The following NPFFR2 variants were observed in gnomAD, a reference collection of about 807,000 sequenced individuals.
NPFFR2 encodes neuropeptide FF receptor 2, also known as G-protein coupled receptor 74.
Under a neutral mutation model 13.1 loss-of-function variants are expected in NPFFR2, and 15 were observed. The observed-to-expected ratio is 1.15, with a 90% CI of 0.77 to 1.76. The LOEUF (loss-of-function observed/expected upper bound fraction) is 1.76, where lower values mean the gene tolerates loss of function less well. Ranked by LOEUF, NPFFR2 falls within the 40% of genes most tolerant of loss-of-function variation. The probability of loss-of-function intolerance (pLI) is 0.00; values close to 1 mark genes in which losing one functional copy is unlikely to be tolerated. For synonymous variants in NPFFR2, 190 were observed against 175.7 expected (o/e 1.08, Z -0.65); for missense variants, 572 against 503.5 (o/e 1.14, Z -1.30).
At chr4:72,042,715 T>G (rs1433101891) in intron 1 of NPFFR2, among the ~76,000 whole-genome samples, 1 of 152,120 alleles carries the variant, frequency 6.6e-6, no homozygotes, top group African/African-American at 2.4e-5. Context: ...ACACTCAACT[T>G]GAGAGAGATG....
At chr4:72,047,417 G>T (rs917876197) in intron 1 of NPFFR2, among the ~76,000 whole-genome samples, 18 of 152,060 alleles carry the variant, frequency 1.2e-4, no homozygotes, top group Admixed American at 3.9e-4. Flanking sequence ...ACTGCCCAGG[G>T]TTAACTTGGG....
intron 1 of NPFFR2, 143 bp downstream of exon 1, chr4:72,032,343 G>A: frequency 1.1e-6 from 1 of 929,766 alleles, no homozygotes; most frequent in Non-Finnish European, 1.6e-6. Context: ...AATTACACAG[G>A]CACCCGCTTG....
intron 1 of NPFFR2, among the ~76,000 whole-genome samples, chr4:72,127,307 A>C (rs1722081010): frequency 7.8e-6 from 1 of 128,744 alleles, no homozygotes; most frequent in African/African-American, 3.4e-5. Context: ...CCATCTCAAA[A>C]AAAAAAAAAA....
At chr4:72,040,927 A>AATATATATATATATATAT in intron 1 of NPFFR2, among the ~76,000 whole-genome samples, 1 of 146,804 alleles carries the variant, frequency 6.8e-6, no homozygotes, top group South Asian at 2.2e-4. Context: ...ACTGCTGTAA[A>AATATATATATATATATAT]ATATATATAT....
chr4:72,041,443 G>A (rs1042268836), intron 1 of NPFFR2, among the ~76,000 whole-genome samples: 2 of 152,162 alleles, frequency 1.3e-5, no homozygotes, highest in East Asian at 3.8e-4. Context: ...ATTGTGAATA[G>A]TGCTGCAATG....
intron 1 of NPFFR2, among the ~76,000 whole-genome samples, chr4:72,086,214 T>C (rs753765208): frequency 2.6e-5 from 4 of 152,094 alleles, no homozygotes; most frequent in Non-Finnish European, 5.9e-5. Context: ...TGAAAATAAA[T>C]TTAAATAAAT....
At chr4:72,051,526 C>A (rs1475628120) in intron 1 of NPFFR2, among the ~76,000 whole-genome samples, 1 of 150,588 alleles carries the variant, frequency 6.6e-6, no homozygotes, top group East Asian at 2.0e-4. Context: ...GCACTAAATG[C>A]CCACAAGAGA....
rs147765849 is a variant in NPFFR2, at chr4:72,095,237, C to T, written c.-7-33348C>T. ...TTGATGGACATAATTACAGATATGT[C>T]TGCTGGTGTGCTGGAACTGGCTTGT... On this transcript the variant is annotated intron_variant, in intron 1 of 3. Coordinates refer to ENST00000308744, the MANE Select transcript of NPFFR2 (RefSeq NM_004885.3). Among the ~76,000 whole-genome samples the T allele has an allele frequency of 9.6e-3, 1,457 of 152,260 alleles. 30 individuals are homozygous for T. Among genetic ancestry groups the T allele is most frequent in the African/African-American group, 0.034 (1,397 of 41,550 alleles).
intron 1 of NPFFR2, among the ~76,000 whole-genome samples, chr4:72,114,353 T>G (rs1721650474): frequency 6.6e-6 from 1 of 152,038 alleles, no homozygotes. Flanking sequence ...ATTAAAAATG[T>G]GTTATTTGAA....
chr4:72,071,481 A>G (rs567130203), intron 1 of NPFFR2, among the ~76,000 whole-genome samples: 50 of 152,294 alleles, frequency 3.3e-4, no homozygotes, highest in Non-Finnish European at 5.0e-4. Flanking sequence ...CTAGACAATA[A>G]TTGCACTGGC....
intron 1 of NPFFR2, among the ~76,000 whole-genome samples, chr4:72,060,225 T>C (rs947971123): frequency 6.6e-6 from 1 of 152,104 alleles, no homozygotes; most frequent in Non-Finnish European, 1.5e-5. Context: ...TGTAATAATC[T>C]CTGTGTGTCA....
At chr4:72,105,849 T>C (rs1043037484) in intron 1 of NPFFR2, among the ~76,000 whole-genome samples, 5 of 152,070 alleles carry the variant, frequency 3.3e-5, no homozygotes. Context: ...CTAGATACTC[T>C]TGCGTTTGGG....
intron 3 of NPFFR2, among the ~76,000 whole-genome samples, chr4:72,144,897 T>G (rs1034700357): frequency 8.5e-5 from 13 of 152,192 alleles, no homozygotes; most frequent in Non-Finnish European, 1.6e-4. Context: ...CTTGGAATAC[T>G]GAGATTGTTT....
In NPFFR2 at chr4:72,032,037, G is replaced by A. The variant is rs748302459; in HGVS notation, c.-171G>A. ...GCAGCGCGGCGGGCCAGCCTGGAGC[G>A]GAAGCCTGGAGTGGAGCAGGCAGTC... On this transcript the variant is annotated 5_prime_UTR_variant, in exon 1 of 4. Transcript: ENST00000308744. The A allele has an allele frequency of 6.2e-7, 1 of 1,614,000 alleles. No homozygotes were observed. The highest frequency in any genetic ancestry group is 1.1e-5 in the South Asian group (1 of 91,060).
intron 1 of NPFFR2, among the ~76,000 whole-genome samples, chr4:72,043,276 C>T (rs1017736389): frequency 9.5e-4 from 4 of 4,206 alleles, no homozygotes; most frequent in African/African-American, 1.5e-3. Context: ...TGTGGAGAAC[C>T]TGCTAGGGTA....
At chr4:72,097,045 C>A (rs1342858551) in intron 1 of NPFFR2, among the ~76,000 whole-genome samples, 1 of 151,612 alleles carries the variant, frequency 6.6e-6, no homozygotes, top group East Asian at 1.9e-4. Flanking sequence ...ACTAGATGGT[C>A]CTACATTTTA....
At position 72,147,197 on chromosome 4, in the gene NPFFR2, G is replaced by A. The variant is rs1722809570; in HGVS notation, c.648G>A (p.Arg216=). The change falls in exon 4 of 4, where the codon AGG becomes AGA. Residue 216 remains arginine (R), a synonymous_variant. Transcript: ENST00000308744. The part of the protein sequence containing the change: ...CREDWPNQEM[R]KIYTTVLFAN... The stretch of plus-strand genomic sequence containing the variant: ...AAGACTGGCCAAATCAGGAAATGAG[G>A]AAGATCTACACCACTGTGCTGTTTG... 1 of 1,555,502 alleles carries A rather than the reference G, an allele frequency of 6.4e-7. No homozygotes were observed. The highest frequency in any genetic ancestry group is 1.6e-5 in the African/African-American group (1 of 61,062).
At chr4:72,120,878 C>G (rs955548250) in intron 1 of NPFFR2, among the ~76,000 whole-genome samples, 2 of 151,996 alleles carry the variant, frequency 1.3e-5, no homozygotes, top group Admixed American at 1.3e-4. Context: ...AGCAAAGGAA[C>G]AAAACTGGAT....
At chr4:72,143,329 C>T (rs932998302) in intron 3 of NPFFR2, among the ~76,000 whole-genome samples, 2 of 152,122 alleles carry the variant, frequency 1.3e-5, no homozygotes, top group African/African-American at 4.8e-5. Flanking sequence ...GTCCAAGTCC[C>T]AAAGCCTGAG....
Sources: gnomAD v4.1 joint callset for allele counts (sites outside exome capture counted in the v4.1 genomes callset) on GRCh38, gnomAD v4.1.1 for gene constraint, MANE v1.5 for transcripts, NCBI Gene and HGNC (gene_info 2026-07-23, HGNC 2026-07-21) for gene names.